TMEM132B: variants seen among roughly 807,000 people sequenced by gnomAD.
TMEM132B encodes the protein transmembrane protein 132B.
Under a neutral mutation model 90.8 loss-of-function variants are expected in TMEM132B, and 18 were observed. That is an observed-to-expected ratio of 0.20 (90% CI 0.14 to 0.29). The LOEUF (loss-of-function observed/expected upper bound fraction) is 0.29, where lower values mean the gene tolerates loss of function less well. Among genes scored for constraint, TMEM132B ranks in the 10% least tolerant of loss-of-function variants. The pLI is 1.00. For synonymous variants in TMEM132B, 504 were observed against 523.3 expected (o/e 0.96, Z 0.50); for missense variants, 1,096 against 1,326.8 (o/e 0.83, Z 2.70).
intron 3 of TMEM132B, among the ~76,000 whole-genome samples, chr12:125,467,160 T>C (rs1340311827): frequency 6.6e-6 from 1 of 152,148 alleles, no homozygotes; most frequent in Non-Finnish European, 1.5e-5. Flanking sequence ...TGGATTCAAA[T>C]AGTCCTGGCA....
At chr12:125,223,807 G>C (rs1873615584) in intron 1 of TMEM132B, among the ~76,000 whole-genome samples, 1 of 151,392 alleles carries the variant, frequency 6.6e-6, no homozygotes, top group Admixed American at 6.6e-5. Flanking sequence ...TTTTTTCAGA[G>C]ACAGAGTCTT....
At chr12:125,231,891 C>A (rs187604618) in intron 1 of TMEM132B, among the ~76,000 whole-genome samples, 6 of 151,964 alleles carry the variant, frequency 3.9e-5, no homozygotes, top group African/African-American at 1.4e-4. Flanking sequence ...GTGTCCCCCC[C>A]CCACCAAAAC....
rs192246446 is a variant in TMEM132B, at chr12:125,227,768, G to A, written c.67+40902G>A. On this transcript the variant is annotated intron_variant, in intron 1 of 8. Transcript: ENST00000682704. ...ACGATTGACACCTGTGAGTTTCAAT[G>A]TGGCCATCAGAGCTGCTCTGGTTGT... 2.4e-3 allele frequency among the ~76,000 whole-genome samples: 369 copies of A among 152,210 alleles called. 1 individual carries two copies. Among genetic ancestry groups the A allele is most frequent in the African/African-American group, 8.4e-3 (348 of 41,542 alleles).
At chr12:125,348,158 C>T (rs965359407) in intron 1 of TMEM132B, among the ~76,000 whole-genome samples, 10 of 151,826 alleles carry the variant, frequency 6.6e-5, no homozygotes, top group Admixed American at 1.3e-4. Context: ...GCCATCTTTT[C>T]AAGTATGTTT....
At chr12:125,434,103 GA>G (rs1880626708) in intron 3 of TMEM132B, among the ~76,000 whole-genome samples, 2 of 152,236 alleles carry the variant, frequency 1.3e-5, no homozygotes, top group South Asian at 4.2e-4. Context: ...CCTCCCTCCT[GA>G]CAGCTCTCTG....
intron 3 of TMEM132B, among the ~76,000 whole-genome samples, chr12:125,497,593 T>A (rs141792576): frequency 2.2e-4 from 33 of 152,348 alleles, no homozygotes; most frequent in African/African-American, 7.2e-4. Context: ...AAGTGTTGAC[T>A]GTGGACTGTC....
At chr12:125,645,730 C>T (rs1229294213) in intron 6 of TMEM132B, among the ~76,000 whole-genome samples, 4 of 152,180 alleles carry the variant, frequency 2.6e-5, no homozygotes, top group African/African-American at 4.8e-5. Context: ...TTGAGCCTGC[C>T]TGGATTACTG....
chr12:125,471,026 A>G (rs1422224618), intron 3 of TMEM132B, among the ~76,000 whole-genome samples: 5 of 152,248 alleles, frequency 3.3e-5, no homozygotes, highest in African/African-American at 1.2e-4. Context: ...GCCCTGGGAC[A>G]GCCGGGAGCT....
At position 125,655,025 on chromosome 12, in the gene TMEM132B, T is replaced by C. The variant is rs1887026281; in HGVS notation, c.*315T>C. 7.9e-6 allele frequency: 2 copies of C among 252,850 alleles called. No homozygotes were observed. The highest frequency in any genetic ancestry group is 1.5e-5 in the Non-Finnish European group (2 of 132,142). 15.7% of individuals were successfully genotyped at this position (252,850 alleles called of 1,614,324 possible). A position where few individuals can be genotyped will look rare whatever the true frequency, so the allele number is the denominator to read the frequency against. ...ACATTGTTAGTCATCTCGTGACAAA[T>C]GGCCATGTGGAATTAGAAAAGATTT... On this transcript the variant is annotated 3_prime_UTR_variant, in exon 9 of 9. Transcript: ENST00000682704.
intron 1 of TMEM132B, among the ~76,000 whole-genome samples, chr12:125,297,533 C>T (rs1322472829): frequency 2.0e-5 from 3 of 152,260 alleles, no homozygotes; most frequent in African/African-American, 7.2e-5. Flanking sequence ...TTCATTCCAT[C>T]AGCATTTATT....
intron 1 of TMEM132B, among the ~76,000 whole-genome samples, chr12:125,200,770 G>A (rs1042188146): frequency 6.6e-6 from 1 of 152,304 alleles, no homozygotes; most frequent in Non-Finnish European, 1.5e-5. Context: ...TGGAAGAAGG[G>A]GGACTTGTTC....
Position 125,644,081 on chromosome 12 carries a change from C to T in TMEM132B, c.1443C>T (p.Ser481=). 6.2e-7 allele frequency: 1 copy of T among 1,614,104 alleles called. No homozygotes were observed. Among genetic ancestry groups the T allele is most frequent in the Non-Finnish European group, 8.5e-7 (1 of 1,180,016 alleles). ...GTTCTACCTCCTTCCCAAAGGTTTC[C>T]AACAACTGTGATTCCATTTTTGTGA... ...KSADEDVIKV[S]NNCDSIFVNG... Residue 481 remains serine, a synonymous_variant, in exon 6 of 9, where the codon TCC becomes TCT. Coordinates refer to ENST00000682704, the MANE Select transcript of TMEM132B (RefSeq NM_001366854.1).
chr12:125,186,514 G>A lies in TMEM132B; in HGVS notation c.-286G>A, dbSNP rs1957761182. Among the ~76,000 whole-genome samples the A allele has an allele frequency of 6.8e-6, 1 of 146,448 alleles. No homozygotes were observed. Among genetic ancestry groups the A allele is most frequent in the Admixed American group, 6.8e-5 (1 of 14,740 alleles). Reference sequence around the variant, plus strand: ...CGCGGCGGCGGCGGCGGCGGGGGCCGCGCAACTCGGGCCAACTGCGGGGCA... The same window carrying A: ...CGCGGCGGCGGCGGCGGCGGGGGCCACGCAACTCGGGCCAACTGCGGGGCA... On this transcript the variant is annotated 5_prime_UTR_variant, in exon 1 of 9. Coordinates refer to ENST00000682704, the MANE Select transcript of TMEM132B (RefSeq NM_001366854.1). The surrounding 1 kb of genome is among the most constrained non-coding windows in gnomAD (Gnocchi z 6.3).
chr12:125,606,811 T>C (rs376092575), intron 5 of TMEM132B, among the ~76,000 whole-genome samples: 19 of 152,342 alleles, frequency 1.2e-4, no homozygotes, highest in African/African-American at 4.3e-4. Context: ...CGGCAGGTGC[T>C]ACTCGGCCTT....
intron 5 of TMEM132B, among the ~76,000 whole-genome samples, chr12:125,593,528 T>G (rs1885367375): frequency 6.6e-6 from 1 of 152,156 alleles, no homozygotes; most frequent in African/African-American, 2.4e-5. Flanking sequence ...TGCTTAGGTC[T>G]GAGGTTAGGG....
chr12:125,585,379 G>A (rs1458410165), intron 5 of TMEM132B: 1 of 152,178 alleles, frequency 6.6e-6, no homozygotes, highest in Non-Finnish European at 1.5e-5. Context: ...CCAAGTCACA[G>A]GAGATTATAT....
chr12:125,393,005 A>C (rs418329), intron 2 of TMEM132B, among the ~76,000 whole-genome samples: 3 of 151,648 alleles, frequency 2.0e-5, no homozygotes, highest in African/African-American at 2.4e-5. Context: ...ATTTGCAACA[A>C]GGGCTCCAAC....
intron 4 of TMEM132B, among the ~76,000 whole-genome samples, chr12:125,520,340 C>G (rs574965845): frequency 9.2e-5 from 14 of 152,362 alleles, no homozygotes; most frequent in African/African-American, 2.9e-4. Flanking sequence ...CAACCATTTT[C>G]TGCACTGCCT....
At chr12:125,399,758 T>G (rs1164832941) in intron 2 of TMEM132B, among the ~76,000 whole-genome samples, 1 of 152,142 alleles carries the variant, frequency 6.6e-6, no homozygotes, top group Non-Finnish European at 1.5e-5. Context: ...ACTTACTCTG[T>G]TATATTGGCT....
Sources: allele counts gnomAD v4.1 joint callset (sites outside exome capture counted in the v4.1 genomes callset), GRCh38; gene constraint gnomAD v4.1.1; non-coding constraint Gnocchi (gnomAD v3.1); transcripts MANE v1.5; gene names NCBI Gene and HGNC (gene_info 2026-07-23, HGNC 2026-07-21).